The following ATAD5 variants were observed in gnomAD, a reference collection of about 807,000 sequenced individuals.
The protein encoded by ATAD5 is ATPase family AAA domain-containing protein 5.
In ATAD5, 58 loss-of-function variants were observed where a neutral mutation model predicts 176.9. The ratio of observed to expected loss-of-function variants is 0.33; its 90% CI spans 0.27 to 0.41. The LOEUF (loss-of-function observed/expected upper bound fraction) is 0.41. Ranked by LOEUF, ATAD5 falls within the 10% of genes least tolerant of loss-of-function variation. The pLI, the probability that ATAD5 is intolerant of heterozygous loss-of-function variation, is 1.00. For missense variants in ATAD5, 1,789 were observed against 2,094.1 expected (o/e 0.85, Z 2.84); for synonymous variants, 640 against 712.6 (o/e 0.90, Z 1.62).
chr17:30,880,344 C>T (rs1908939820), intron 18 of ATAD5, among the ~76,000 whole-genome samples: 1 of 152,098 alleles, frequency 6.6e-6, no homozygotes, highest in African/African-American at 2.4e-5. Flanking sequence ...CGTAGTGGCT[C>T]ACGCCTGTAA....
intron 18 of ATAD5, 126 bp downstream of exon 18, chr17:30,879,613 A>G (rs1597990896): frequency 1.2e-6 from 1 of 825,784 alleles, no homozygotes. Context: ...CCCAGGCTGG[A>G]GTGCAGTGGC....
At position 30,835,628 on chromosome 17, in the gene ATAD5, A is replaced by G. The variant is rs776559811; in HGVS notation, c.1547A>G (p.Asn516Ser). ...TFFLKEKQYQ[N>S]RMSLRQRKTE... ...TTCTTAAAAGAGAAACAATATCAAAATAGAATGAGTTTAAGACAAAGGAAA... is the reference window on the plus strand; with the variant it reads ...TTCTTAAAAGAGAAACAATATCAAAGTAGAATGAGTTTAAGACAAAGGAAA... Residue 516 changes from asparagine (N) to serine (S), a missense_variant, in exon 2 of 23, where the codon AAT becomes AGT. By Grantham distance (46) the Asn-to-Ser change is conservative (BLOSUM62 1). This residue lies in a region of ATAD5 where 696 missense variants were observed against 712.5 expected (regional missense o/e 0.98). Transcript: ENST00000321990. 3 of 1,608,840 alleles carry G rather than the reference A, an allele frequency of 1.9e-6. No individual in the cohort carries two copies. Among genetic ancestry groups the G allele is most frequent in the Non-Finnish European group, 2.5e-6 (3 of 1,178,292 alleles).
intron 10 of ATAD5, among the ~76,000 whole-genome samples, chr17:30,865,318 C>G (rs961245204): frequency 6.6e-6 from 1 of 151,720 alleles, no homozygotes; most frequent in Non-Finnish European, 1.5e-5. Flanking sequence ...GACTACAGGC[C>G]CCCGCCACCA....
At chr17:30,851,444 C>T (rs1906958655) in intron 6 of ATAD5, among the ~76,000 whole-genome samples, 1 of 148,882 alleles carries the variant, frequency 6.7e-6, no homozygotes, top group South Asian at 2.1e-4. Context: ...TACAGTGAGC[C>T]GAGATCCCGC....
intron 15 of ATAD5, among the ~76,000 whole-genome samples, chr17:30,877,131 C>T (rs957053607): frequency 6.6e-6 from 1 of 152,130 alleles, no homozygotes; most frequent in East Asian, 1.9e-4. Context: ...GATGCTCCTG[C>T]CTCAGCCTCC....
chr17:30,840,146 C>T (rs1168359641), intron 3 of ATAD5, among the ~76,000 whole-genome samples: 3 of 148,338 alleles, frequency 2.0e-5, no homozygotes, highest in African/African-American at 5.0e-5. Context: ...TGCACTGAGC[C>T]GAGATCATGC....
chr17:30,891,716 C>T (rs535732192), intron 19 of ATAD5, among the ~76,000 whole-genome samples: 80 of 151,364 alleles, frequency 5.3e-4, no homozygotes, highest in African/African-American at 1.4e-3. Context: ...GTTGGAGTCT[C>T]GCTCTGTTGC....
intron 14 of ATAD5, 104 bp downstream of exon 14, chr17:30,869,750 A>G (rs921134843): frequency 3.8e-5 from 48 of 1,279,082 alleles, no homozygotes; most frequent in Non-Finnish European, 4.8e-5. Flanking sequence ...TATCTTCTAC[A>G]CGTACACGTT....
chr17:30,840,540 G>C (rs1240259932), intron 3 of ATAD5, 77 bp from the exon 4 acceptor site: 5 of 1,042,376 alleles, frequency 4.8e-6, no homozygotes, highest in Non-Finnish European at 6.6e-6. Flanking sequence ...AATGTGATTT[G>C]TGATTGTATT....
intron 18 of ATAD5, among the ~76,000 whole-genome samples, chr17:30,884,749 C>T (rs1226137665): frequency 8.6e-6 from 1 of 115,802 alleles, no homozygotes; most frequent in Non-Finnish European, 1.8e-5. Flanking sequence ...ATTTCTTTTT[C>T]TTTTTTTTTT....
chr17:30,881,001 T>C (rs1597992115), intron 18 of ATAD5, among the ~76,000 whole-genome samples: 1 of 152,064 alleles, frequency 6.6e-6, no homozygotes, highest in East Asian at 1.9e-4. Context: ...CCTTTTTTTT[T>C]TCTTACGATG....
intron 6 of ATAD5, among the ~76,000 whole-genome samples, chr17:30,850,406 G>A (rs1297519775): frequency 6.7e-6 from 1 of 149,696 alleles, no homozygotes; most frequent in Non-Finnish European, 1.5e-5. Context: ...TGTTGCCCAG[G>A]CTGGAGTGCA....
rs1905693094 is a variant in ATAD5, at chr17:30,835,648, A to T, written c.1567A>T (p.Arg523Trp). ...QYQNRMSLRQ[R>W]KTEFFKSSTL... is the part of the protein sequence containing the mutation. Reference sequence around the variant, plus strand: ...TCAAAATAGAATGAGTTTAAGACAAAGGAAAACAGAGTTTTTCAAAAGCAG... The same window carrying T: ...TCAAAATAGAATGAGTTTAAGACAATGGAAAACAGAGTTTTTCAAAAGCAG... The change falls in exon 2 of 23, where the codon AGG becomes TGG. Residue 523 changes from arginine to tryptophan, a missense_variant. Coordinates refer to ENST00000321990, the MANE Select transcript of ATAD5 (RefSeq NM_024857.5). 6.2e-7 allele frequency: 1 copy of T among 1,603,946 alleles called. No homozygotes were observed. Among genetic ancestry groups the T allele is most frequent in the Admixed American group, 1.7e-5 (1 of 57,366 alleles).
At chr17:30,888,924 G>T (rs1014531064) in intron 19 of ATAD5, among the ~76,000 whole-genome samples, 19 of 151,876 alleles carry the variant, frequency 1.3e-4, no homozygotes, top group Non-Finnish European at 2.6e-4. Flanking sequence ...ACATTAGCCG[G>T]GTGTGGCGGC....
intron 18 of ATAD5, among the ~76,000 whole-genome samples, chr17:30,883,281 C>T (rs1249379398): frequency 1.3e-5 from 2 of 151,852 alleles, no homozygotes; most frequent in Non-Finnish European, 2.9e-5. Flanking sequence ...TGTGCCACCA[C>T]GCCCAGCTAA....
At chr17:30,871,129 G>T (rs1296856160) in intron 14 of ATAD5, among the ~76,000 whole-genome samples, 1 of 129,768 alleles carries the variant, frequency 7.7e-6, no homozygotes, top group African/African-American at 3.8e-5. Flanking sequence ...TTGGTTAGTT[G>T]TTATTACTAT....
chr17:30,869,146 C>T, intron 12 of ATAD5, 102 bp from the exon 13 acceptor site: 1 of 1,356,656 alleles, frequency 7.4e-7, no homozygotes, highest in South Asian at 1.4e-5. Flanking sequence ...AATTTTTCAG[C>T]ATCTATTGCA....
At chr17:30,840,529 T>G in intron 3 of ATAD5, 88 bp from the exon 4 acceptor site, 1 of 958,316 alleles carries the variant, frequency 1.0e-6, no homozygotes, top group Non-Finnish European at 1.4e-6. Flanking sequence ...GTTGATTATT[T>G]AATGTGATTT....
chr17:30,861,594 C>G (rs902845403), intron 10 of ATAD5, among the ~76,000 whole-genome samples: 1 of 152,090 alleles, frequency 6.6e-6, no homozygotes, highest in Non-Finnish European at 1.5e-5. Flanking sequence ...TCACTGCAAC[C>G]TCTGCCTCCC....
Sources: gnomAD v4.1 joint callset for allele counts (sites outside exome capture counted in the v4.1 genomes callset) on GRCh38, gnomAD v4.1.1 for gene constraint, gnomAD v4.1.1 regional missense constraint, MANE v1.5 for transcripts, NCBI Gene and HGNC (gene_info 2026-07-23, HGNC 2026-07-21) for gene names.